GABRB3: variants seen among roughly 807,000 people sequenced by gnomAD.
GABRB3 encodes the protein gamma-aminobutyric acid receptor subunit beta-3.
GABRB3 carries 14 observed loss-of-function variants against 52.1 expected under a neutral mutation model. That is an observed-to-expected ratio of 0.27 (90% confidence interval 0.18 to 0.42). The LOEUF is 0.42. GABRB3 is among the 10% of genes least tolerant of loss of function. The pLI is 1.00. For synonymous variants in GABRB3, 260 were observed against 232.3 expected (o/e 1.12, Z -1.08); for missense variants, 307 against 609.1 (o/e 0.50, Z 5.22).
At chr15:26,733,064 C>G (rs1440432400) in intron 3 of GABRB3, among the ~76,000 whole-genome samples, 1 of 151,786 alleles carries the variant, frequency 6.6e-6, no homozygotes, top group Non-Finnish European at 1.5e-5. Flanking sequence ...TGCTGAAAAA[C>G]TGAATTTTTC....
intron 8 of GABRB3, among the ~76,000 whole-genome samples, chr15:26,554,869 G>A (rs975528166): frequency 1.2e-4 from 18 of 152,174 alleles, no homozygotes; most frequent in African/African-American, 4.1e-4. Flanking sequence ...GCAGATAAGT[G>A]GTAGGCAAAA....
chr15:26,577,489 G>C (rs1224907686), intron 6 of GABRB3, among the ~76,000 whole-genome samples: 1 of 151,942 alleles, frequency 6.6e-6, no homozygotes, highest in African/African-American at 2.4e-5. Flanking sequence ...CTCCAGCCTG[G>C]GTGATGGAGT....
At chr15:26,668,325 A>G (rs975349207) in intron 3 of GABRB3, among the ~76,000 whole-genome samples, 1 of 152,224 alleles carries the variant, frequency 6.6e-6, no homozygotes, top group African/African-American at 2.4e-5. Context: ...ATAAAAAATT[A>G]AAAATATGAA....
chr15:26,744,066 C>T (rs937706956), intron 3 of GABRB3, among the ~76,000 whole-genome samples: 1 of 152,142 alleles, frequency 6.6e-6, no homozygotes, highest in African/African-American at 2.4e-5. Context: ...AACATCGTGT[C>T]TCCCACTAAA....
rs550607352 is a variant in GABRB3 at position 26,615,413 on chromosome 15, G to C, written c.461+5901C>G. On this transcript the variant is annotated intron_variant, in intron 4 of 8. Transcript: ENST00000311550. The stretch of plus-strand genomic sequence containing the variant: ...TCTCAGTTCACCGTCATATTCAGCT[G>C]AGCTCAAGCTGGTAAGAAGAGCAAG... 8.8e-5 allele frequency: 87 copies of C among 986,100 alleles called. No homozygotes were observed. In the South Asian group the frequency reaches 3.3e-3, roughly 38 times the overall value. 61.1% of individuals were successfully genotyped at this position (986,100 alleles called of 1,614,324 possible). A position where few individuals can be genotyped will look rare whatever the true frequency, so the allele number is the denominator to read the frequency against.
intron 3 of GABRB3, among the ~76,000 whole-genome samples, chr15:26,703,675 T>C (rs556450378): frequency 8.6e-4 from 131 of 152,230 alleles, no homozygotes; most frequent in Non-Finnish European, 1.6e-3. Context: ...TTATATACTT[T>C]CAAAAGACAA....
At chr15:26,563,501 T>C (rs1005946598) in intron 7 of GABRB3, among the ~76,000 whole-genome samples, 27 of 152,272 alleles carry the variant, frequency 1.8e-4, no homozygotes, top group African/African-American at 5.8e-4. Flanking sequence ...CCACAGCCTG[T>C]AAAGGGGAGC....
At chr15:26,771,168 T>A (rs1474689150) in intron 3 of GABRB3, among the ~76,000 whole-genome samples, 4 of 152,248 alleles carry the variant, frequency 2.6e-5, no homozygotes, top group African/African-American at 9.6e-5. Context: ...CGTCTATTTT[T>A]AAAAATAGTT....
At chr15:26,629,196 G>C in intron 3 of GABRB3, 7 of 1,453,778 alleles carry the variant, frequency 4.8e-6, no homozygotes, top group Non-Finnish European at 6.3e-6. Context: ...AGGGCTTTGC[G>C]AAGCGGCGGC....
At chr15:26,670,572 C>T (rs1887867243) in intron 3 of GABRB3, among the ~76,000 whole-genome samples, 1 of 152,196 alleles carries the variant, frequency 6.6e-6, no homozygotes, top group Non-Finnish European at 1.5e-5. Context: ...GCGGCCGTCA[C>T]AGGAGCCCGC....
intron 6 of GABRB3, among the ~76,000 whole-genome samples, chr15:26,569,640 G>A (rs1032608366): frequency 3.9e-5 from 6 of 152,224 alleles, no homozygotes; most frequent in African/African-American, 1.4e-4. Context: ...TCTTGAGGAT[G>A]AATATGCCAA....
chr15:26,719,628 A>G (rs1889590885), intron 3 of GABRB3, among the ~76,000 whole-genome samples: 1 of 152,198 alleles, frequency 6.6e-6, no homozygotes, highest in African/African-American at 2.4e-5. Flanking sequence ...GTGTGAACAC[A>G]TTGATCCCTG....
At chr15:26,698,253 G>T (rs980658448) in intron 3 of GABRB3, among the ~76,000 whole-genome samples, 4 of 152,178 alleles carry the variant, frequency 2.6e-5, no homozygotes, top group Admixed American at 2.6e-4. Context: ...GGGAGAAAAT[G>T]CAATAAAGTG....
chr15:26,594,295 T>G (rs1158118099), intron 4 of GABRB3, among the ~76,000 whole-genome samples: 2 of 151,978 alleles, frequency 1.3e-5, no homozygotes, highest in Non-Finnish European at 2.9e-5. Flanking sequence ...CCCTGAAACT[T>G]GGGCATTTCA....
intron 3 of GABRB3, among the ~76,000 whole-genome samples, chr15:26,739,041 T>C (rs549552491): frequency 2.0e-5 from 3 of 152,204 alleles, no homozygotes; most frequent in African/African-American, 4.8e-5. Context: ...ATTGCAAAGA[T>C]AGGAGCTCAA....
intron 3 of GABRB3, among the ~76,000 whole-genome samples, chr15:26,640,132 C>T (rs145613483): frequency 2.0e-5 from 3 of 152,266 alleles, no homozygotes; most frequent in Non-Finnish European, 2.9e-5. Flanking sequence ...CAAATGAGCT[C>T]GAGGGAGTTA....
At position 26,764,169 on chromosome 15, in the gene GABRB3, AAAAAAAAAAAATATATATATATAT is replaced by A. The variant is rs1566834433; in HGVS notation, c.240+8209_240+8232del. 7.3e-4 allele frequency among the ~76,000 whole-genome samples: 18 copies of A among 24,664 alleles called. 1 individual carries two copies. The highest frequency in any genetic ancestry group is 1.2e-3 in the African/African-American group (9 of 7,442). The allele number at this position is 24,664 out of a possible 152,430, so 16.2% of individuals were successfully genotyped here. ...GGTCTCAAAAAAAAAAAAAAAAAAA[AAAAAAAAAAAATATATATATATAT>A]ATATATATATATATATATATATATA... is the stretch of plus-strand genomic sequence containing the variant. On this transcript the variant is annotated intron_variant, in intron 3 of 8. Transcript: ENST00000311550.
intron 4 of GABRB3, among the ~76,000 whole-genome samples, chr15:26,601,806 C>G (rs1011536148): frequency 6.6e-6 from 1 of 151,860 alleles, no homozygotes; most frequent in Non-Finnish European, 1.5e-5. Context: ...ACTACTAGAG[C>G]AAATCACCTT....
chr15:26,632,001 C>A (rs1187494315), intron 3 of GABRB3, among the ~76,000 whole-genome samples: 1 of 152,112 alleles, frequency 6.6e-6, no homozygotes, highest in Non-Finnish European at 1.5e-5. Flanking sequence ...AAGATGGATC[C>A]AAGTACAATT....
Sources: gnomAD v4.1 joint callset for allele counts (sites outside exome capture counted in the v4.1 genomes callset) on GRCh38, gnomAD v4.1.1 for gene constraint, MANE v1.5 for transcripts, NCBI Gene and HGNC (gene_info 2026-07-23, HGNC 2026-07-21) for gene names.